Variants in CRMP1 observed in about 807,000 individuals in gnomAD.
CRMP1 encodes collapsin response mediator protein 1, also known as dihydropyrimidinase-related protein 1.
Under a neutral mutation model 68.3 loss-of-function variants are expected in CRMP1, and 19 were observed. That is an observed-to-expected ratio of 0.28 (90% CI 0.19 to 0.41). The LOEUF (loss-of-function observed/expected upper bound fraction) is 0.41, where lower values mean the gene tolerates loss of function less well. CRMP1 is among the 10% of genes least tolerant of loss of function. The pLI, the probability that CRMP1 is intolerant of heterozygous loss-of-function variation, is 1.00. For synonymous variants in CRMP1, 439 were observed against 399.6 expected, an observed-to-expected ratio of 1.10 and a Z score of -1.18; for missense variants, 791 against 967.4, an observed-to-expected ratio of 0.82 and a Z score of 2.42.
rs1205874054 is a variant in CRMP1, at chr4:5,858,217, T to A, written c.656-1910A>T. Among the ~76,000 whole-genome samples, 4 of 152,130 alleles carry A rather than the reference T, an allele frequency of 2.6e-5. No homozygotes were observed. Among genetic ancestry groups the A allele is most frequent in the African/African-American group, 7.2e-5 (3 of 41,436 alleles). On this transcript the variant is annotated intron_variant, in intron 3 of 13. Coordinates refer to ENST00000324989, the MANE Select transcript of CRMP1 (RefSeq NM_001014809.3). This position sits in a 1 kb window ranked among gnomAD's most constrained non-coding sequence, Gnocchi z 5.5. ...TTTGGCTGCCGCTTCTCAATCATCCTGAGGACTCCATCCCCTACTGTTCAC... is the reference window on the plus strand; with the variant it reads ...TTTGGCTGCCGCTTCTCAATCATCCAGAGGACTCCATCCCCTACTGTTCAC...
rs1391112057 is a variant in CRMP1 at position 5,854,761 on chromosome 4, G to T, written c.820+1382C>A. ...CAATAATGCCCAATGGTGCAAAGGT[G>T]CAGGGACTAGAGATTCTGGCATAGG... On this transcript the variant is annotated intron_variant, in intron 4 of 13. Transcript: ENST00000324989. The surrounding 1 kb of genome is among the most constrained non-coding windows in gnomAD (Gnocchi z 4.0). Among the ~76,000 whole-genome samples, 2 of 152,194 alleles carry T rather than the reference G, an allele frequency of 1.3e-5. No homozygotes were observed. The highest frequency in any genetic ancestry group is 4.8e-5 in the African/African-American group (2 of 41,442).
In CRMP1 at chr4:5,842,683, C is replaced by A. The variant is rs929077539; in HGVS notation, c.1032+410G>T. Among the ~76,000 whole-genome samples the A allele has an allele frequency of 2.0e-5, 3 of 152,040 alleles. No homozygotes were observed. The highest frequency in any genetic ancestry group is 7.2e-5 in the African/African-American group (3 of 41,394). ...ACACACTAACATACACACACTCACACACACACATACACACACAGCCAGTCC... is the reference window on the plus strand; with the variant it reads ...ACACACTAACATACACACACTCACAAACACACATACACACACAGCCAGTCC... On this transcript the variant is annotated intron_variant, in intron 7 of 13. Transcript: ENST00000324989. The surrounding 1 kb of genome is among the most constrained non-coding windows in gnomAD (Gnocchi z 4.5).
In CRMP1 at chr4:5,889,794, A is replaced by C; in HGVS notation, c.381+2795T>G. The C allele has an allele frequency of 6.6e-7, 1 of 1,523,238 alleles. No individual in the cohort carries two copies. The allele number at this position is 1,523,238 out of a possible 1,614,324, so 94.4% of individuals were successfully genotyped here. A position where few individuals can be genotyped will look rare whatever the true frequency, so the allele number is the denominator to read the frequency against. On this transcript the variant is annotated intron_variant, in intron 1 of 13. Transcript: ENST00000324989. This position sits in a 1 kb window ranked among gnomAD's most constrained non-coding sequence, Gnocchi z 4.5. ...GGGGGCTGGGGCCCTGACCTTCACCACCCCAGGGGCCAGTCCCCTAATCCA... is the reference window on the plus strand; with the variant it reads ...GGGGGCTGGGGCCCTGACCTTCACCCCCCCAGGGGCCAGTCCCCTAATCCA...
At chr4:5,827,695 C>T (rs1208921591) in intron 12 of CRMP1, among the ~76,000 whole-genome samples, 1 of 151,474 alleles carries the variant, frequency 6.6e-6, no homozygotes, top group East Asian at 1.9e-4. Context: ...TGTACACATG[C>T]ACACATGACA....
Position 5,842,965 on chromosome 4 carries a change from T to C in CRMP1, c.1032+128A>G. The stretch of plus-strand genomic sequence containing the variant: ...AGGGTTCCCGGGGAAAACAAGATGG[T>C]TTGGGATGGTCTGGGAGAGGACACG... On this transcript the variant is annotated intron_variant, in intron 7 of 13. Transcript: ENST00000324989. The surrounding 1 kb of genome is among the most constrained non-coding windows in gnomAD (Gnocchi z 4.5). The C allele has an allele frequency of 1.2e-6, 1 of 847,178 alleles. No homozygotes were observed. The allele number at this position is 847,178 out of a possible 1,614,324, so 52.5% of individuals were successfully genotyped here.
rs1715231195 is a variant in CRMP1 at position 5,881,685 on chromosome 4, T to A, written c.381+10904A>T. The stretch of plus-strand genomic sequence containing the variant: ...TCAACATCTCTCTGCTTGTGAATAC[T>A]CAGGGCTCCACCTGAGAGATGCTAC... On this transcript the variant is annotated intron_variant, in intron 1 of 13. Transcript: ENST00000324989. The surrounding 1 kb of genome is among the most constrained non-coding windows in gnomAD (Gnocchi z 4.6). Among the ~76,000 whole-genome samples the A allele has an allele frequency of 6.6e-6, 1 of 152,190 alleles. No homozygotes were observed. The highest frequency in any genetic ancestry group is 2.4e-5 in the African/African-American group (1 of 41,458).
rs1263851038 is a variant in CRMP1 at position 5,881,692 on chromosome 4, T to G, written c.381+10897A>C. ...CTCTCTGCTTGTGAATACTCAGGGC[T>G]CCACCTGAGAGATGCTACAATAATT... is the stretch of plus-strand genomic sequence containing the variant. On this transcript the variant is annotated intron_variant, in intron 1 of 13. Transcript: ENST00000324989. This position sits in a 1 kb window ranked among gnomAD's most constrained non-coding sequence, Gnocchi z 4.6. 6.6e-6 allele frequency among the ~76,000 whole-genome samples: 1 copy of G among 152,138 alleles called. No homozygotes were observed. The highest frequency in any genetic ancestry group is 1.5e-5 in the Non-Finnish European group (1 of 68,040).
At position 5,870,057 on chromosome 4, in the gene CRMP1, C is replaced by G. The variant is rs1033956153; in HGVS notation, c.382-3301G>C. On this transcript the variant is annotated intron_variant, in intron 1 of 13. Coordinates refer to ENST00000324989, the MANE Select transcript of CRMP1 (RefSeq NM_001014809.3). This position sits in a 1 kb window ranked among gnomAD's most constrained non-coding sequence, Gnocchi z 6.0. ...AGGCATCAGAAACACATCATGCAGTCGGCTGCTCAAAGCTTCTTGCATCAG... is the reference window on the plus strand; with the variant it reads ...AGGCATCAGAAACACATCATGCAGTGGGCTGCTCAAAGCTTCTTGCATCAG... Among the ~76,000 whole-genome samples, 10 of 152,174 alleles carry G rather than the reference C, an allele frequency of 6.6e-5. No homozygotes were observed. Among genetic ancestry groups the G allele is most frequent in the African/African-American group, 2.4e-4 (10 of 41,446 alleles).
At chr4:5,840,741 C>T (rs762991290) in intron 8 of CRMP1, among the ~76,000 whole-genome samples, 7 of 152,322 alleles carry the variant, frequency 4.6e-5, no homozygotes, top group Middle Eastern at 3.4e-3. Flanking sequence ...CGGCTGGTAC[C>T]GCTTCCAGAT....
chr4:5,885,093 G>A (rs1040217693), intron 1 of CRMP1, among the ~76,000 whole-genome samples: 5 of 151,868 alleles, frequency 3.3e-5, no homozygotes, highest in South Asian at 2.1e-4. Context: ...GTCTCTAACC[G>A]GCTACTATAT....
Position 5,824,206 on chromosome 4 carries a change from G to A in CRMP1, c.1969+1288C>T, listed in dbSNP as rs151322513. 2.4e-4 allele frequency: 182 copies of A among 761,866 alleles called. No homozygotes were observed. The African/African-American group carries it at 3.3e-3, about 14-fold the overall frequency. 47.2% of individuals were successfully genotyped at this position (761,866 alleles called of 1,614,324 possible). On this transcript the variant is annotated intron_variant, in intron 13 of 13. Transcript: ENST00000324989. The stretch of plus-strand genomic sequence containing the variant: ...CAGTGGTCCAGTTTGCAAACTCCTT[G>A]AGAGCTTGTGTCTTGTTGCACCCAG...
intron 1 of CRMP1, chr4:5,887,919 T>C: frequency 3.1e-6 from 2 of 640,482 alleles, no homozygotes; most frequent in Non-Finnish European, 4.2e-6. Flanking sequence ...CCCTCTTTTG[T>C]TCGGCTCCGC....
In CRMP1 at chr4:5,860,956, C is replaced by T; in HGVS notation, c.655+70G>A. ...CAGAGAGCCTCGAACACACTGAGCA[C>T]TTGTGATGCTGGTGATGGGGAGGAG... is the stretch of plus-strand genomic sequence containing the variant. On this transcript the variant is annotated intron_variant, in intron 3 of 13. Transcript: ENST00000324989. The surrounding 1 kb of genome is among the most constrained non-coding windows in gnomAD (Gnocchi z 4.2). The T allele has an allele frequency of 6.6e-7, 1 of 1,511,236 alleles. No individual in the cohort carries two copies. The highest frequency in any genetic ancestry group is 9.0e-7 in the Non-Finnish European group (1 of 1,106,600). 93.6% of individuals were successfully genotyped at this position (1,511,236 alleles called of 1,614,324 possible). A position where few individuals can be genotyped will look rare whatever the true frequency, so the allele number is the denominator to read the frequency against.
chr4:5,858,558 T>C lies in CRMP1; in HGVS notation c.656-2251A>G, dbSNP rs536267076. On this transcript the variant is annotated intron_variant, in intron 3 of 13. Transcript: ENST00000324989. This position sits in a 1 kb window ranked among gnomAD's most constrained non-coding sequence, Gnocchi z 5.5. ...CTGGCCTCCTCCATATCCCTGGAGC[T>C]GTCCAATTCTGCCCACTCCATGGCC... Among the ~76,000 whole-genome samples the C allele has an allele frequency of 2.8e-4, 43 of 152,240 alleles. No homozygotes were observed. The highest frequency in any genetic ancestry group is 6.8e-3 in the Middle Eastern group (2 of 294).
Position 5,851,439 on chromosome 4 carries a change from T to C in CRMP1, c.851A>G (p.Tyr284Cys), listed in dbSNP as rs771936597. 4 of 1,614,198 alleles carry C rather than the reference T, an allele frequency of 2.5e-6. No homozygotes were observed. Among genetic ancestry groups the C allele is most frequent in the African/African-American group, 1.3e-5 (1 of 75,054 alleles). The stretch of plus-strand genomic sequence containing the variant: ...GTCGGACATTTGGTAGACATCCTTA[T>C]AGGCCATGTAGACTTGGAAGGAATT... ...GVNSFQVYMA[Y>C]KDVYQMSDSQ... The change falls in exon 5 of 14, where the codon TAT becomes TGT. Residue 284 changes from tyrosine (Y) to cysteine (C), a missense_variant. Around this residue, in one of 3 missense-constraint regions of CRMP1, gnomAD observed 594 missense variants for 763.6 expected, o/e 0.78. Coordinates refer to ENST00000324989, the MANE Select transcript of CRMP1 (RefSeq NM_001014809.3).
intron 11 of CRMP1, among the ~76,000 whole-genome samples, chr4:5,829,115 T>G (rs1456055787): frequency 6.6e-6 from 1 of 152,230 alleles, no homozygotes; most frequent in Non-Finnish European, 1.5e-5. Flanking sequence ...GCCAAATTAT[T>G]TTCCCAAGGG....
intron 12 of CRMP1, chr4:5,826,031 C>T (rs965234374): frequency 3.3e-6 from 1 of 303,922 alleles, no homozygotes; most frequent in Non-Finnish European, 6.1e-6. Flanking sequence ...AAATCACATA[C>T]AGATCTTCAC....
chr4:5,878,425 T>G (rs995840075), intron 1 of CRMP1, among the ~76,000 whole-genome samples: 4 of 152,138 alleles, frequency 2.6e-5, no homozygotes, highest in African/African-American at 9.7e-5. Context: ...ATCGTGAATG[T>G]GGTCAAAAGT....
chr4:5,891,212 A>ACACACACACACACACACACACAC lies in CRMP1; in HGVS notation c.381+1376_381+1377insGTGTGTGTGTGTGTGTGTGTGTG, dbSNP rs59152465. ...CACACACACACACACACACACACAC[A>ACACACACACACACACACACACAC]CCCTTGCTGTTGGACCTCTCCCTCG... On this transcript the variant is annotated intron_variant, in intron 1 of 13. Coordinates refer to ENST00000324989, the MANE Select transcript of CRMP1 (RefSeq NM_001014809.3). The surrounding 1 kb of genome is among the most constrained non-coding windows in gnomAD (Gnocchi z 5.2). Among the ~76,000 whole-genome samples the ACACACACACACACACACACACAC allele has an allele frequency of 1.4e-5, 2 of 147,120 alleles. No individual in the cohort carries two copies. The highest frequency in any genetic ancestry group is 2.6e-5 in the African/African-American group (1 of 38,964).
Sources: gnomAD v4.1 joint callset for allele counts (sites outside exome capture counted in the v4.1 genomes callset) on GRCh38, gnomAD v4.1.1 for gene constraint, gnomAD v4.1.1 regional missense constraint, Gnocchi (gnomAD v3.1) non-coding constraint, MANE v1.5 for transcripts, NCBI Gene and HGNC (gene_info 2026-07-23, HGNC 2026-07-21) for gene names.